Variants in FRMD4B observed in about 807,000 individuals in gnomAD.
The protein encoded by FRMD4B is FERM domain containing 4B, also known as FERM domain-containing protein 4B.
In FRMD4B, 74 loss-of-function variants were observed where a neutral mutation model predicts 141.5. That is an observed-to-expected ratio of 0.52 (90% confidence interval 0.43 to 0.63). FRMD4B has a LOEUF of 0.63. Among genes scored for constraint, FRMD4B ranks in the 30% least tolerant of loss-of-function variants. FRMD4B has a pLI of 0.00. For synonymous variants in FRMD4B, 506 were observed against 467.9 expected (o/e 1.08, Z -1.05); for missense variants, 1,366 against 1,253.4 (o/e 1.09, Z -1.36).
chr3:69,176,783 A>G (rs1035327875), intron 21 of FRMD4B, 127 bp from the exon 22 acceptor site: 6 of 640,426 alleles, frequency 9.4e-6, no homozygotes, highest in Non-Finnish European at 1.6e-5. Context: ...TTGAAATAAC[A>G]GAGTTCCTAT....
intron 1 of FRMD4B, among the ~76,000 whole-genome samples, chr3:69,541,790 C>A (rs906521934): frequency 9.9e-6 from 1 of 101,066 alleles, no homozygotes; most frequent in Non-Finnish European, 2.1e-5. Context: ...CCAGGGATTT[C>A]CCCCCCCTCT....
At chr3:69,267,903 G>C (rs1024231715) in intron 5 of FRMD4B, among the ~76,000 whole-genome samples, 2 of 151,654 alleles carry the variant, frequency 1.3e-5, no homozygotes, top group Non-Finnish European at 2.9e-5. Context: ...AAAGTGCTGG[G>C]ATTACAGGTG....
At chr3:69,293,880 C>CAAAAAAAAAAAAAA (rs10699871) in intron 4 of FRMD4B, among the ~76,000 whole-genome samples, 11 of 74,446 alleles carry the variant, frequency 1.5e-4, no homozygotes, top group African/African-American at 6.6e-4. Context: ...GATTCTGCCT[C>CAAAAAAAAAAAAAA]AAAAAAAAAA....
At chr3:69,172,323 T>C (rs1025078905) in intron 22 of FRMD4B, among the ~76,000 whole-genome samples, 2 of 152,220 alleles carry the variant, frequency 1.3e-5, no homozygotes, top group Non-Finnish European at 2.9e-5. Context: ...AAAAAGATTA[T>C]GGTTACAGTT....
At chr3:69,182,536 C>G in intron 20 of FRMD4B, 62 bp downstream of exon 20, 9 of 1,498,248 alleles carry the variant, frequency 6.0e-6, no homozygotes, top group Non-Finnish European at 7.2e-6. Context: ...CACAATAAAG[C>G]AAGACAGAAC....
intron 7 of FRMD4B, 100 bp downstream of exon 7, chr3:69,249,126 A>G (rs1559751568): frequency 2.7e-6 from 2 of 738,102 alleles, no homozygotes; most frequent in East Asian, 2.9e-5. Context: ...TTACAGATCT[A>G]CTTTCCTTTG....
In FRMD4B at chr3:69,331,959, G is replaced by C. The variant is rs72934895; in HGVS notation, c.163-18442C>G. On this transcript the variant is annotated intron_variant, in intron 1 of 22. Transcript: ENST00000398540. ...AAAAATTAGCCTAGCGCAGTGGCTGGTGCCTGTAATCCCAGCCACTCGGGA... is the reference window on the plus strand; with the variant it reads ...AAAAATTAGCCTAGCGCAGTGGCTGCTGCCTGTAATCCCAGCCACTCGGGA... 8.3e-3 allele frequency among the ~76,000 whole-genome samples: 1,257 copies of C among 152,176 alleles called. 18 individuals are homozygous for C. Among genetic ancestry groups the C allele is most frequent in the African/African-American group, 0.029 (1,205 of 41,520 alleles).
At chr3:69,227,901 G>T (rs1008380792) in intron 7 of FRMD4B, among the ~76,000 whole-genome samples, 2 of 151,644 alleles carry the variant, frequency 1.3e-5, no homozygotes, top group African/African-American at 4.8e-5. Flanking sequence ...AATAATAGGG[G>T]AAACAGTGGG....
chr3:69,349,539 A>C (rs1388267001), intron 1 of FRMD4B, among the ~76,000 whole-genome samples: 1 of 152,260 alleles, frequency 6.6e-6, no homozygotes, highest in Non-Finnish European at 1.5e-5. Context: ...CAAAAGAACG[A>C]AACTGGAGGC....
intron 2 of FRMD4B, among the ~76,000 whole-genome samples, chr3:69,403,723 C>T (rs183203165): frequency 6.6e-6 from 1 of 152,266 alleles, no homozygotes; most frequent in Admixed American, 6.5e-5. Context: ...TTGAACCTTA[C>T]AAGTTCAAGT....
chr3:69,394,784 A>G (rs1232835931), intron 2 of FRMD4B, among the ~76,000 whole-genome samples: 1 of 152,366 alleles, frequency 6.6e-6, no homozygotes, highest in Non-Finnish European at 1.5e-5. Context: ...CATCAGTGAT[A>G]GACTGGATAA....
At chr3:69,486,385 G>T (rs1204326138) in intron 1 of FRMD4B, among the ~76,000 whole-genome samples, 1 of 152,046 alleles carries the variant, frequency 6.6e-6, no homozygotes, top group South Asian at 2.1e-4. Flanking sequence ...ACTCCTCCCT[G>T]CAAGTCCCCA....
At chr3:69,267,630 TATATATAGAGAGAGAGAGAG>T (rs1559765454) in intron 5 of FRMD4B, among the ~76,000 whole-genome samples, 40 of 10,886 alleles carry the variant, frequency 3.7e-3, no homozygotes, top group Middle Eastern at 0.071. Context: ...TATATATATA[TATATATAGAGAGAGAGAGAG>T]AGAGAGAGAG....
At chr3:69,287,673 A>T (rs973377508) in intron 5 of FRMD4B, 79 bp downstream of exon 5, 1 of 744,162 alleles carries the variant, frequency 1.3e-6, no homozygotes. Context: ...TGAATGCAAG[A>T]AGAGAGGCAA....
intron 1 of FRMD4B, among the ~76,000 whole-genome samples, chr3:69,478,429 A>G (rs146908619): frequency 0.025 from 3,732 of 152,302 alleles, 167 homozygotes; most frequent in African/African-American, 0.085. Context: ...GGTTTCAAAT[A>G]ACATCTTTAT....
In FRMD4B at chr3:69,188,239, C is replaced by G. The variant is rs1050941661; in HGVS notation, c.1772-322G>C. Among the ~76,000 whole-genome samples the G allele has an allele frequency of 4.9e-4, 74 of 152,104 alleles. 1 individual carries two copies. The highest frequency in any genetic ancestry group is 3.5e-4 in the Non-Finnish European group (24 of 68,028). On this transcript the variant is annotated intron_variant, in intron 18 of 22. Transcript: ENST00000398540. ...TAAAAAGCTATATTAAAGAAAACCC[C>G]CAGTGTGAACCAAGGGGAAGTTGGC...
chr3:69,209,374 G>A (rs1211195573), intron 11 of FRMD4B, among the ~76,000 whole-genome samples: 1 of 152,104 alleles, frequency 6.6e-6, no homozygotes, highest in Non-Finnish European at 1.5e-5. Context: ...ACTATGGGAG[G>A]GGAAGAGAAA....
chr3:69,194,880 G>A, intron 16 of FRMD4B, 142 bp downstream of exon 16: 1 of 643,412 alleles, frequency 1.6e-6, no homozygotes, highest in Non-Finnish European at 2.5e-6. Context: ...GAAAGAAAGA[G>A]TTCAATTTGG....
intron 2 of FRMD4B, among the ~76,000 whole-genome samples, chr3:69,396,273 G>T (rs906262336): frequency 6.6e-6 from 1 of 152,132 alleles, no homozygotes; most frequent in African/African-American, 2.4e-5. Flanking sequence ...CTGGGAGGCC[G>T]AGGTGGGTGG....
Sources: allele counts gnomAD v4.1 joint callset (sites outside exome capture counted in the v4.1 genomes callset), GRCh38; gene constraint gnomAD v4.1.1; transcripts MANE v1.5; gene names NCBI Gene and HGNC (gene_info 2026-07-23, HGNC 2026-07-21).